The following CELF2 variants were observed in gnomAD, a reference collection of about 807,000 sequenced individuals.
CELF2 encodes the protein CUG triplet repeat RNA-binding protein 2.
CELF2 carries 8 observed loss-of-function variants against 62.6 expected under a neutral mutation model. The observed-to-expected ratio is 0.13, with a 90% confidence interval of 0.07 to 0.23. The LOEUF (loss-of-function observed/expected upper bound fraction) is 0.23. Among genes scored for constraint, CELF2 ranks in the 10% least tolerant of loss-of-function variants. The pLI is 1.00. For missense variants in CELF2, 333 were observed against 671.0 expected (o/e 0.50, Z 5.56); for synonymous variants, 258 against 250.0 (o/e 1.03, Z -0.30).
chr10:11,112,800 G>A (rs1237368830), intron 1 of CELF2, among the ~76,000 whole-genome samples: 1 of 152,228 alleles, frequency 6.6e-6, no homozygotes, highest in Non-Finnish European at 1.5e-5. Flanking sequence ...TCTTTGAAAC[G>A]GAACCATGAG....
intron 1 of CELF2, among the ~76,000 whole-genome samples, chr10:11,115,317 A>G (rs2056304320): frequency 6.6e-6 from 1 of 152,240 alleles, no homozygotes; most frequent in African/African-American, 2.4e-5. Flanking sequence ...TATCTGGCCC[A>G]GCAGCTGCAA....
intron 4 of CELF2, among the ~76,000 whole-genome samples, chr10:11,252,202 C>T (rs150936718): frequency 4.6e-5 from 7 of 152,318 alleles, no homozygotes; most frequent in Admixed American, 4.6e-4. Context: ...ATAAAAGCCA[C>T]AAGCCTTTTC....
chr10:10,630,496 A>T, the CELF2 span, among the ~76,000 whole-genome samples: 1 of 152,196 alleles, frequency 6.6e-6, no homozygotes, highest in Non-Finnish European at 1.5e-5. Context: ...GGCTGAAATC[A>T]TGAAGCACCT....
chr10:10,921,332 C>T (rs894778052), intron 2 of CELF2, among the ~76,000 whole-genome samples: 2 of 151,396 alleles, frequency 1.3e-5, no homozygotes, highest in African/African-American at 4.9e-5. Flanking sequence ...TGCAGTGGCA[C>T]GATCTCGGCT....
chr10:11,323,599 G>A (rs1441260586), intron 11 of CELF2, among the ~76,000 whole-genome samples: 1 of 152,106 alleles, frequency 6.6e-6, no homozygotes, highest in Non-Finnish European at 1.5e-5. Flanking sequence ...TGAGGAATGG[G>A]GACGCTGGTG....
the CELF2 span, among the ~76,000 whole-genome samples, chr10:10,661,885 G>C: frequency 6.6e-5 from 10 of 152,166 alleles, no homozygotes; most frequent in Non-Finnish European, 1.3e-4. Context: ...GAAAGTTCTA[G>C]AGCATCTCAT....
rs888725074 is a variant in CELF2 at position 11,280,118 on chromosome 10, G to A, written c.841+4998G>A. Among the ~76,000 whole-genome samples, 1 of 152,204 alleles carries A rather than the reference G, an allele frequency of 6.6e-6. No homozygotes were observed. Among genetic ancestry groups the A allele is most frequent in the Non-Finnish European group, 1.5e-5 (1 of 68,036 alleles). On this transcript the variant is annotated intron_variant, in intron 8 of 12. Transcript: ENST00000633077. The surrounding 1 kb of genome is among the most constrained non-coding windows in gnomAD (Gnocchi z 7.6). ...TGTGACTTGGGGTGCAGACTGAGGA[G>A]GCGCCTGGGAGAGGGGCTGAGATGG...
intron 7 of CELF2, among the ~76,000 whole-genome samples, chr10:11,271,715 C>CTG (rs1454501437): frequency 6.3e-5 from 5 of 79,864 alleles, no homozygotes; most frequent in African/African-American, 2.1e-4. Context: ...GAGAGGGTGT[C>CTG]TCTGTGTGTG....
At chr10:11,166,215 TG>T (rs2067128907) in intron 2 of CELF2, among the ~76,000 whole-genome samples, 1 of 152,090 alleles carries the variant, frequency 6.6e-6, no homozygotes, top group Non-Finnish European at 1.5e-5. Flanking sequence ...GGGGGTCAGG[TG>T]GGGACCGTGA....
chr10:11,229,501 AC>A (rs915988849), intron 3 of CELF2, among the ~76,000 whole-genome samples: 1 of 152,186 alleles, frequency 6.6e-6, no homozygotes, highest in Admixed American at 6.5e-5. Flanking sequence ...CCTCAGCTGC[AC>A]AGGAATAGAA....
rs377603619 is a variant in CELF2, at chr10:11,216,760, A to G, written c.272-665A>G. On this transcript the variant is annotated intron_variant, in intron 2 of 12. Transcript: ENST00000633077. ...AGGAATCAAAATGTTGCCAGTTAGT[A>G]TGCCACAGCCATATATGTAATGCAT... Among the ~76,000 whole-genome samples the G allele has an allele frequency of 4.1e-4, 62 of 152,348 alleles. No homozygotes were observed. In the South Asian group the frequency reaches 0.012, roughly 30 times the overall value.
In CELF2 at chr10:11,300,974, A is replaced by G. The variant is rs1272770690; in HGVS notation, c.976+12422A>G. Among the ~76,000 whole-genome samples the G allele has an allele frequency of 1.4e-4, 22 of 152,202 alleles. No homozygotes were observed. Among genetic ancestry groups the G allele is most frequent in the Admixed American group, 1.4e-3 (22 of 15,282 alleles). ...GTTGTTTTGTTGCAGCTTTAAAAAAAAGTATTTTGCTATCCAGGAAGAGTG... is the reference window on the plus strand; with the variant it reads ...GTTGTTTTGTTGCAGCTTTAAAAAAGAGTATTTTGCTATCCAGGAAGAGTG... On this transcript the variant is annotated intron_variant, in intron 9 of 12. Transcript: ENST00000633077. This position sits in a 1 kb window ranked among gnomAD's most constrained non-coding sequence, Gnocchi z 5.5.
chr10:10,792,450 TTGAC>T, the CELF2 span: 3 of 398,458 alleles, frequency 7.5e-6, no homozygotes, highest in Non-Finnish European at 1.3e-5. Context: ...CATTGTTTCT[TTGAC>T]TGGCAACTTG....
the CELF2 span, among the ~76,000 whole-genome samples, chr10:10,585,292 C>T: frequency 6.6e-6 from 1 of 152,092 alleles, no homozygotes; most frequent in Non-Finnish European, 1.5e-5. Flanking sequence ...CCTAAGTCTG[C>T]GGACAAGAAA....
chr10:11,032,036 A>G (rs1169943536), intron 1 of CELF2, among the ~76,000 whole-genome samples: 1 of 151,526 alleles, frequency 6.6e-6, no homozygotes, highest in East Asian at 1.9e-4. Context: ...GAAGCATGAT[A>G]GGCAAAGTTG....
chr10:11,143,969 G>GT (rs1159590445), intron 1 of CELF2, among the ~76,000 whole-genome samples: 1 of 152,214 alleles, frequency 6.6e-6, no homozygotes, highest in Non-Finnish European at 1.5e-5. Context: ...GCACTGCTGT[G>GT]TATCAGTGCT....
In CELF2 at chr10:11,156,339, C is replaced by T. The variant is rs1380799168; in HGVS notation, c.75-9147C>T. Among the ~76,000 whole-genome samples, 3 of 152,138 alleles carry T rather than the reference C, an allele frequency of 2.0e-5. No homozygotes were observed. The highest frequency in any genetic ancestry group is 2.9e-5 in the Non-Finnish European group (2 of 68,036). On this transcript the variant is annotated intron_variant, in intron 1 of 12. Coordinates refer to ENST00000633077, the MANE Select transcript of CELF2 (RefSeq NM_001326342.2). The surrounding 1 kb of genome is among the most constrained non-coding windows in gnomAD (Gnocchi z 4.3). Reference sequence around the variant, plus strand: ...ATTTTACTGCTTTGAAGACTTCTCGCGTGCCGTATTAAATCTATTCATTCA... The same window carrying T: ...ATTTTACTGCTTTGAAGACTTCTCGTGTGCCGTATTAAATCTATTCATTCA...
intron 1 of CELF2, among the ~76,000 whole-genome samples, chr10:11,055,708 G>A (rs563860629): frequency 9.8e-5 from 15 of 152,320 alleles, no homozygotes; most frequent in African/African-American, 2.6e-4. Context: ...TCTTGATAGC[G>A]TCTGGAAGGC....
chr10:10,470,204 C>G, the CELF2 span, among the ~76,000 whole-genome samples: 1 of 151,788 alleles, frequency 6.6e-6, no homozygotes, highest in African/African-American at 2.4e-5. Context: ...TCTCTTATCC[C>G]CTGATTATTA....
Sources: gnomAD v4.1 joint callset for allele counts (sites outside exome capture counted in the v4.1 genomes callset) on GRCh38, gnomAD v4.1.1 for gene constraint, Gnocchi (gnomAD v3.1) non-coding constraint, MANE v1.5 for transcripts, NCBI Gene and HGNC (gene_info 2026-07-23, HGNC 2026-07-21) for gene names.